The following SNX24 variants were observed in gnomAD, a reference collection of about 807,000 sequenced individuals.
SNX24 encodes the protein sorting nexin-24.
A neutral mutation model predicts 28.7 loss-of-function variants in SNX24; 22 were observed. The ratio of observed to expected loss-of-function variants is 0.77; its 90% CI spans 0.55 to 1.10. The LOEUF (loss-of-function observed/expected upper bound fraction) is 1.10, where lower values mean the gene tolerates loss of function less well. Among genes scored for constraint, SNX24 ranks in the 50% least tolerant of loss-of-function variants. The pLI is 0.00. For missense variants in SNX24, 221 were observed against 201.1 expected, an observed-to-expected ratio of 1.10 and a Z score of -0.60; for synonymous variants, 69 against 71.5, an observed-to-expected ratio of 0.96 and a Z score of 0.18.
intron 6 of SNX24, among the ~76,000 whole-genome samples, chr5:123,006,936 G>A (rs1292120388): frequency 5.3e-5 from 8 of 152,080 alleles, no homozygotes; most frequent in East Asian, 1.9e-4. Flanking sequence ...TATTTAAAGT[G>A]CTTTAGGATA....
At chr5:122,961,321 T>C (rs1293923552) in intron 3 of SNX24, among the ~76,000 whole-genome samples, 1 of 152,174 alleles carries the variant, frequency 6.6e-6, no homozygotes, top group African/African-American at 2.4e-5. Context: ...TCCTTTAAAC[T>C]GCATCTGAAG....
At chr5:122,884,251 CTT>C (rs758617172) in intron 1 of SNX24, among the ~76,000 whole-genome samples, 4 of 92,752 alleles carry the variant, frequency 4.3e-5, no homozygotes, top group Non-Finnish European at 7.8e-5. Context: ...GTTTCTTTTT[CTT>C]TTTTTTTTTT....
intron 1 of SNX24, among the ~76,000 whole-genome samples, chr5:122,928,727 G>A (rs1758817081): frequency 6.6e-6 from 1 of 151,840 alleles, no homozygotes; most frequent in Admixed American, 6.6e-5. Context: ...TAGCCCATGA[G>A]ACTTGAACAG....
In SNX24 at chr5:122,969,856, C is replaced by T. The variant is rs539835097; in HGVS notation, c.249+23697C>T. Among the ~76,000 whole-genome samples, 503 of 152,220 alleles carry T rather than the reference C, an allele frequency of 3.3e-3. 4 individuals carry two copies. Among genetic ancestry groups the T allele is most frequent in the African/African-American group, 0.012 (479 of 41,530 alleles). On this transcript the variant is annotated intron_variant, in intron 3 of 6. Transcript: ENST00000261369. ...ACCCAGGGTGCTGCTTGTGGGCTTG[C>T]TTATTTCAGGCATTATTATTCTTTG...
At chr5:122,873,638 A>C (rs899698528) in intron 1 of SNX24, among the ~76,000 whole-genome samples, 8 of 152,160 alleles carry the variant, frequency 5.3e-5, no homozygotes, top group African/African-American at 1.9e-4. Context: ...CATTTATTTA[A>C]CGAATGGTTT....
At chr5:122,917,362 A>T (rs761450973) in intron 1 of SNX24, among the ~76,000 whole-genome samples, 11 of 152,174 alleles carry the variant, frequency 7.2e-5, no homozygotes, top group Non-Finnish European at 1.2e-4. Flanking sequence ...TTCTCCATGG[A>T]AAATACTCTA....
At chr5:122,959,681 T>A (rs932631305) in intron 3 of SNX24, among the ~76,000 whole-genome samples, 1 of 152,102 alleles carries the variant, frequency 6.6e-6, no homozygotes, top group Non-Finnish European at 1.5e-5. Flanking sequence ...GTTTTTTTTT[T>A]ATTTTTTTGA....
intron 1 of SNX24, among the ~76,000 whole-genome samples, chr5:122,862,209 A>G (rs188515916): frequency 6.6e-6 from 1 of 152,258 alleles, no homozygotes; most frequent in East Asian, 1.9e-4. Flanking sequence ...TTACAGTGGG[A>G]CTGAAGATCC....
intron 1 of SNX24, among the ~76,000 whole-genome samples, chr5:122,883,299 A>C (rs1199968156): frequency 2.6e-5 from 4 of 152,208 alleles, no homozygotes; most frequent in Admixed American, 2.6e-4. Context: ...TACTAAAGCC[A>C]AAATTGTCCC....
At chr5:123,007,251 G>A (rs1306498580) in intron 6 of SNX24, among the ~76,000 whole-genome samples, 1 of 152,206 alleles carries the variant, frequency 6.6e-6, no homozygotes, top group African/African-American at 2.4e-5. Context: ...GGACAACTTG[G>A]ACTAAATGCA....
chr5:122,881,234 A>AAAAG (rs33951173), intron 1 of SNX24, among the ~76,000 whole-genome samples: 1 of 151,926 alleles, frequency 6.6e-6, no homozygotes, highest in African/African-American at 2.4e-5. Context: ...TTTTTAAAAA[A>AAAAG]CATTTCACAG....
chr5:122,849,389 C>T (rs1429822839), intron 1 of SNX24, among the ~76,000 whole-genome samples: 1 of 152,000 alleles, frequency 6.6e-6, no homozygotes, highest in African/African-American at 2.4e-5. Context: ...TTAGGGTGAC[C>T]CAATGTCAGC....
At chr5:122,876,905 T>TTA (rs1478934988) in intron 1 of SNX24, among the ~76,000 whole-genome samples, 1 of 152,098 alleles carries the variant, frequency 6.6e-6, no homozygotes, top group East Asian at 1.9e-4. Flanking sequence ...AAAATGAACA[T>TTA]TATATCATGG....
At chr5:122,939,415 T>A (rs961354570) in intron 2 of SNX24, among the ~76,000 whole-genome samples, 2 of 152,236 alleles carry the variant, frequency 1.3e-5, no homozygotes, top group Non-Finnish European at 2.9e-5. Flanking sequence ...TATCTGCTAG[T>A]GTCTAGATTG....
intron 1 of SNX24, among the ~76,000 whole-genome samples, chr5:122,860,179 A>G (rs1755392415): frequency 6.6e-6 from 1 of 152,222 alleles, no homozygotes; most frequent in Non-Finnish European, 1.5e-5. Context: ...AACGTGTTTC[A>G]GGGTAAAATA....
chr5:122,947,548 T>C (rs1759742468), intron 3 of SNX24, among the ~76,000 whole-genome samples: 1 of 152,146 alleles, frequency 6.6e-6, no homozygotes, highest in South Asian at 2.1e-4. Flanking sequence ...AGAAGAATCC[T>C]TCACTGTCTC....
chr5:122,982,235 G>C (rs34605191), intron 3 of SNX24, among the ~76,000 whole-genome samples: 4,178 of 152,258 alleles, frequency 0.027, 76 homozygotes, highest in Non-Finnish European at 0.037. Flanking sequence ...GTGGACTTGA[G>C]TTAAACTGAA....
intron 1 of SNX24, among the ~76,000 whole-genome samples, chr5:122,930,375 T>C (rs771854285): frequency 1.3e-5 from 2 of 152,210 alleles, no homozygotes; most frequent in Non-Finnish European, 2.9e-5. Context: ...GAATAATAAT[T>C]TAGATGACTA....
At chr5:122,950,854 C>T (rs958997424) in intron 3 of SNX24, among the ~76,000 whole-genome samples, 3 of 152,110 alleles carry the variant, frequency 2.0e-5, no homozygotes, top group Non-Finnish European at 4.4e-5. Flanking sequence ...AGCAAATTAC[C>T]ATCAGAGAAA....
Sources: gnomAD v4.1 joint callset for allele counts (sites outside exome capture counted in the v4.1 genomes callset) on GRCh38, gnomAD v4.1.1 for gene constraint, MANE v1.5 for transcripts, NCBI Gene and HGNC (gene_info 2026-07-23, HGNC 2026-07-21) for gene names.